HUNK: variants seen among roughly 807,000 people sequenced by gnomAD.
The protein encoded by HUNK is hormonally up-regulated Neu-associated kinase, also known as hormonally up-regulated neu tumor-associated kinase.
Under a neutral mutation model 61.0 loss-of-function variants are expected in HUNK, and 21 were observed. The ratio of observed to expected loss-of-function variants is 0.34; its 90% CI spans 0.24 to 0.50. The LOEUF is 0.50. HUNK is among the 20% of genes least tolerant of loss of function. The pLI, the probability that HUNK is intolerant of heterozygous loss-of-function variation, is 0.98. For missense variants in HUNK, 772 were observed against 945.7 expected, an observed-to-expected ratio of 0.82 and a Z score of 2.41; for synonymous variants, 371 against 386.1, an observed-to-expected ratio of 0.96 and a Z score of 0.46.
At chr21:31,973,322 A>G (rs1601405231) in intron 6 of HUNK, among the ~76,000 whole-genome samples, 1 of 151,836 alleles carries the variant, frequency 6.6e-6, no homozygotes, top group Admixed American at 6.6e-5. Context: ...CTTCCCCACC[A>G]CAGGCCCTGG....
At chr21:31,931,246 A>G (rs929176026) in intron 2 of HUNK, among the ~76,000 whole-genome samples, 16 of 151,482 alleles carry the variant, frequency 1.1e-4, no homozygotes, top group African/African-American at 3.4e-4. Context: ...AGTTGGGTCT[A>G]TCCTTCCCTG....
chr21:31,942,082 C>G (rs1291046015), intron 3 of HUNK, among the ~76,000 whole-genome samples: 2 of 152,166 alleles, frequency 1.3e-5, no homozygotes, highest in Non-Finnish European at 2.9e-5. Context: ...TGGTAGCGTG[C>G]GCCTATAATC....
chr21:31,998,800 CA>C lies in HUNK; in HGVS notation c.1762del (p.Ser588AlafsTer70). 3.1e-6 allele frequency: 5 copies of C among 1,614,198 alleles called. No individual in the cohort carries two copies. The highest frequency in any genetic ancestry group is 4.2e-6 in the Non-Finnish European group (5 of 1,180,042). On this transcript the variant is annotated frameshift_variant, in exon 11 of 11. Coordinates refer to ENST00000270112, the MANE Select transcript of HUNK (RefSeq NM_014586.2). LOFTEE classifies it high-confidence loss of function. ...ACTACAGGATTCTGAACTCCCCGGT[CA>C]GCTTGGCTCGCAGAAATTCCAGCGA... ...HHYRILNSPV[S>X]LARRNSSERT...
chr21:31,952,600 G>A (rs976226989), intron 4 of HUNK, among the ~76,000 whole-genome samples: 1 of 79,134 alleles, frequency 1.3e-5, no homozygotes, highest in African/African-American at 4.2e-5. Context: ...TTCCTCCAGG[G>A]AGTATTTTTT....
intron 10 of HUNK, 33 bp from the exon 11 acceptor site, chr21:31,998,493 C>G: frequency 6.5e-7 from 1 of 1,540,854 alleles, no homozygotes; most frequent in East Asian, 2.3e-5. Flanking sequence ...GTCCGGACGT[C>G]CTCATGATTG....
In HUNK at chr21:31,873,926, C is replaced by T. The variant is rs1475878454; in HGVS notation, c.252C>T (p.Thr84=). 4 of 1,550,316 alleles carry T rather than the reference C, an allele frequency of 2.6e-6. No individual in the cohort carries two copies. In the African/African-American group the frequency reaches 4.2e-5, roughly 16 times the overall value. The change falls in exon 1 of 11, where the codon ACC becomes ACT. Residue 84 remains threonine (T), a synonymous_variant. Coordinates refer to ENST00000270112, the MANE Select transcript of HUNK (RefSeq NM_014586.2). The surrounding 1 kb of genome is among the most constrained non-coding windows in gnomAD (Gnocchi z 6.1). The part of the protein sequence containing the change: ...AKVREGLHVL[T]GEKVAIKVID... ...TGCGCGAGGGGCTGCACGTGCTGAC[C>T]GGGGAGAAGGTGAGTCTCCCGGGCG...
chr21:31,931,375 C>G (rs1178986828), intron 2 of HUNK, among the ~76,000 whole-genome samples: 3 of 152,156 alleles, frequency 2.0e-5, no homozygotes, highest in Non-Finnish European at 4.4e-5. Flanking sequence ...TTCACCTTGT[C>G]TTAGAATCTT....
chr21:31,895,124 T>A (rs2052416547), intron 1 of HUNK, among the ~76,000 whole-genome samples: 1 of 152,180 alleles, frequency 6.6e-6, no homozygotes, highest in South Asian at 2.1e-4. Context: ...GGTGAAGAAT[T>A]TGGATGATAA....
chr21:31,978,367 G>T (rs2053065583), intron 7 of HUNK, among the ~76,000 whole-genome samples: 1 of 152,090 alleles, frequency 6.6e-6, no homozygotes, highest in Non-Finnish European at 1.5e-5. Flanking sequence ...CAATTTACAA[G>T]AATAAATACA....
chr21:31,948,873 T>G (rs1006611405), intron 4 of HUNK, among the ~76,000 whole-genome samples: 11 of 152,034 alleles, frequency 7.2e-5, no homozygotes, highest in African/African-American at 2.4e-4. Context: ...TGTGGAGAGA[T>G]AAAGAATTCC....
Position 32,001,883 on chromosome 21 carries a change from G to A in HUNK, c.*2699G>A, listed in dbSNP as rs1269063998. On this transcript the variant is annotated 3_prime_UTR_variant, in exon 11 of 11. Coordinates refer to ENST00000270112, the MANE Select transcript of HUNK (RefSeq NM_014586.2). ...ATTGACTGGACTGTCATTGTGTGAAGTCTAGGAGGAAATGTCCATTTTAAT... is the reference window on the plus strand; with the variant it reads ...ATTGACTGGACTGTCATTGTGTGAAATCTAGGAGGAAATGTCCATTTTAAT... The A allele has an allele frequency of 6.6e-6, 1 of 152,600 alleles. No homozygotes were observed. Among genetic ancestry groups the A allele is most frequent in the Non-Finnish European group, 1.5e-5 (1 of 68,044 alleles). The allele number at this position is 152,600 out of a possible 1,614,324, so 9.5% of individuals were successfully genotyped here.
chr21:31,908,968 A>C (rs1247999603), intron 1 of HUNK, among the ~76,000 whole-genome samples: 1 of 152,258 alleles, frequency 6.6e-6, no homozygotes, highest in Admixed American at 6.5e-5. Context: ...AAAAACTTGT[A>C]AACTGGGCCC....
At chr21:31,978,976 C>G (rs2053071238) in intron 7 of HUNK, among the ~76,000 whole-genome samples, 1 of 152,198 alleles carries the variant, frequency 6.6e-6, no homozygotes, top group Non-Finnish European at 1.5e-5. Context: ...TTCTCCACAT[C>G]CTCTCCAACA....
chr21:31,953,227 C>G (rs1601395566), intron 4 of HUNK, among the ~76,000 whole-genome samples: 1 of 151,652 alleles, frequency 6.6e-6, no homozygotes, highest in East Asian at 1.9e-4. Context: ...TTTGACTGTT[C>G]ACATAGGTTT....
chr21:31,928,815 C>T (rs73350744), intron 2 of HUNK, among the ~76,000 whole-genome samples: 10,645 of 152,208 alleles, frequency 0.07, 459 homozygotes, highest in South Asian at 0.17. Flanking sequence ...TTTGCTGGAG[C>T]GCTTTCTCAT....
intron 1 of HUNK, among the ~76,000 whole-genome samples, chr21:31,906,406 A>C (rs1433659926): frequency 6.6e-6 from 1 of 151,926 alleles, no homozygotes; most frequent in Non-Finnish European, 1.5e-5. Flanking sequence ...TCCTTCCTTC[A>C]TTCTCCAGAT....
chr21:31,901,005 C>T (rs74797490), intron 1 of HUNK, among the ~76,000 whole-genome samples: 3,372 of 152,246 alleles, frequency 0.022, 123 homozygotes, highest in African/African-American at 0.077. Context: ...TCCGTGGCTA[C>T]TGGCAGCACG....
chr21:31,997,187 C>T (rs1414481404), intron 10 of HUNK, among the ~76,000 whole-genome samples: 5 of 152,194 alleles, frequency 3.3e-5, no homozygotes, highest in East Asian at 3.9e-4. Context: ...GAGCTTATTC[C>T]GCATGAACTT....
chr21:31,942,172 T>A (rs929604189), intron 3 of HUNK, among the ~76,000 whole-genome samples: 5 of 152,250 alleles, frequency 3.3e-5, no homozygotes, highest in African/African-American at 9.6e-5. Context: ...ATCGTGACAC[T>A]GCACTCCAGC....
Sources: gnomAD v4.1 joint callset for allele counts (sites outside exome capture counted in the v4.1 genomes callset) on GRCh38, gnomAD v4.1.1 for gene constraint, Gnocchi (gnomAD v3.1) non-coding constraint, MANE v1.5 for transcripts, NCBI Gene and HGNC (gene_info 2026-07-23, HGNC 2026-07-21) for gene names.